The following DCAF8L2 variants were observed in gnomAD, a reference collection of about 807,000 sequenced individuals.
DCAF8L2 encodes DDB1 and CUL4 associated factor 8 like 2.
For synonymous variants in DCAF8L2, 200 were observed against 190.9 expected (o/e 1.05, Z -0.39); for missense variants, 430 against 490.7 (o/e 0.88, Z 1.17).
At chrX:27,699,695 G>C (rs7879926) in intron 3 of DCAF8L2, among the ~76,000 whole-genome samples, 5,258 of 110,866 alleles carry the variant, frequency 0.047, 303 homozygotes, top group African/African-American at 0.16. Flanking sequence ...CTCAGGTTCT[G>C]AGACCACTGG....
the DCAF8L2 span, among the ~76,000 whole-genome samples, chrX:27,509,454 C>T: frequency 1.2e-4 from 13 of 112,351 alleles, no homozygotes; most frequent in African/African-American, 3.9e-4. Flanking sequence ...GAACATTCGT[C>T]AGCCAATTTG....
the DCAF8L2 span, among the ~76,000 whole-genome samples, chrX:27,539,905 T>C: frequency 9.0e-6 from 1 of 111,006 alleles, no homozygotes; most frequent in Non-Finnish European, 1.9e-5. Context: ...GCTGTGTTAG[T>C]TCCTTTAGGC....
intron 1 of DCAF8L2, among the ~76,000 whole-genome samples, chrX:27,614,216 C>T (rs1186891485): frequency 9.1e-6 from 1 of 110,141 alleles, no homozygotes; most frequent in Non-Finnish European, 1.9e-5. Context: ...TCCATTTCTT[C>T]TAGATTTTCT....
chrX:27,672,438 G>A (rs1044781417), intron 2 of DCAF8L2, among the ~76,000 whole-genome samples: 1 of 111,941 alleles, frequency 8.9e-6, no homozygotes, highest in South Asian at 3.7e-4. Context: ...AGAACACTAC[G>A]TTTTCCTACA....
At chrX:27,744,871 C>T (rs1218167850) in intron 4 of DCAF8L2, among the ~76,000 whole-genome samples, 13 of 112,233 alleles carry the variant, frequency 1.2e-4, no homozygotes, top group Non-Finnish European at 2.1e-4. Flanking sequence ...TTCCTGAGTT[C>T]CTCACTAAAA....
intron 3 of DCAF8L2, among the ~76,000 whole-genome samples, chrX:27,699,849 A>G (rs967397242): frequency 3.6e-5 from 4 of 110,925 alleles, no homozygotes; most frequent in Non-Finnish European, 7.6e-5. Flanking sequence ...CAACATAGGG[A>G]TATTCCATCT....
At chrX:27,628,696 C>T (rs1371355242) in intron 1 of DCAF8L2, among the ~76,000 whole-genome samples, 4 of 109,193 alleles carry the variant, frequency 3.7e-5, no homozygotes, top group African/African-American at 1.3e-4. Context: ...CTCCGCCTCC[C>T]GGGTTCACGC....
the DCAF8L2 span, among the ~76,000 whole-genome samples, chrX:27,532,200 T>C: frequency 9.0e-6 from 1 of 111,111 alleles, no homozygotes; most frequent in Non-Finnish European, 1.9e-5. Flanking sequence ...TAAATACTAT[T>C]CTTTACTAAA....
chrX:27,605,040 T>C, intron 1 of DCAF8L2, among the ~76,000 whole-genome samples: 1 of 111,965 alleles, frequency 8.9e-6, no homozygotes, highest in South Asian at 3.7e-4. Context: ...TCAGAAATTT[T>C]AGAGTAGAGA....
the DCAF8L2 span, among the ~76,000 whole-genome samples, chrX:27,472,466 G>T: frequency 1.8e-5 from 2 of 111,462 alleles, no homozygotes; most frequent in African/African-American, 6.5e-5. Context: ...TGCCATGGTG[G>T]TTTGCTGCAC....
At chrX:27,518,525 G>T in the DCAF8L2 span, 3 of 359,595 alleles carry the variant, frequency 8.3e-6, no homozygotes, top group South Asian at 7.5e-5. Flanking sequence ...GGATCACGAG[G>T]TCAGGAGTTC....
chrX:27,747,100 G>C lies in DCAF8L2; in HGVS notation c.205G>C (p.Glu69Gln), dbSNP rs1449476551. The change falls in exon 5 of 5, where the codon GAA (glutamate) becomes CAA (glutamine). Residue 69 changes from glutamate (E) to glutamine (Q), a missense_variant. Glu to Gln is a conservative substitution (Grantham distance 29). Coordinates refer to ENST00000451261, the MANE Select transcript of DCAF8L2 (RefSeq NM_001353450.2). The stretch of plus-strand genomic sequence containing the variant: ...TGGATTCCCCAACGATGCCAGCACA[G>C]AAAATCGAAGCTCAGACCAAGAAAG... ...DGGFPNDAST[E>Q]NRSSDQESAS... The C allele has an allele frequency of 2.0e-5, 23 of 1,166,201 alleles. No individual in the cohort carries two copies. Among genetic ancestry groups the C allele is most frequent in the Non-Finnish European group, 2.6e-5 (23 of 872,862 alleles).
intron 4 of DCAF8L2, among the ~76,000 whole-genome samples, chrX:27,725,904 A>G (rs1932055589): frequency 9.0e-6 from 1 of 111,276 alleles, no homozygotes; most frequent in Non-Finnish European, 1.9e-5. Context: ...TAAAAAATAA[A>G]ACACTGCAAA....
chrX:27,489,289 G>A, the DCAF8L2 span, among the ~76,000 whole-genome samples: 1 of 110,906 alleles, frequency 9.0e-6, no homozygotes. Context: ...AATAGAGACG[G>A]GGTTTCACCG....
the DCAF8L2 span, among the ~76,000 whole-genome samples, chrX:27,513,473 G>A: frequency 1.8e-5 from 2 of 111,554 alleles, no homozygotes; most frequent in East Asian, 2.8e-4. Flanking sequence ...TTGGGAGGCC[G>A]AGGTGGGTGG....
At chrX:27,533,158 GAGAGAGAGAAAGAAAGAAAGAAAGAA>G in the DCAF8L2 span, among the ~76,000 whole-genome samples, 4 of 20,507 alleles carry the variant, frequency 2.0e-4, no homozygotes, top group African/African-American at 6.3e-4. Flanking sequence ...GAGAGAGAGA[GAGAGAGAGAAAGAAAGAAAGAAAGAA>G]AGAAAGAAAG....
intron 2 of DCAF8L2, among the ~76,000 whole-genome samples, chrX:27,676,695 C>G (rs914508335): frequency 3.6e-5 from 4 of 111,389 alleles, no homozygotes; most frequent in Non-Finnish European, 5.7e-5. Context: ...GGCAAGGACT[C>G]TAACTGTTGC....
chrX:27,742,306 C>A (rs1221805655), intron 4 of DCAF8L2, among the ~76,000 whole-genome samples: 2 of 111,554 alleles, frequency 1.8e-5, no homozygotes, highest in African/African-American at 6.5e-5. Context: ...TGGTGGCTCA[C>A]ACCTATAATC....
rs758605198 is a variant in DCAF8L2, at chrX:27,655,636, G to T, written c.-219-22200G>T. On this transcript the variant is annotated intron_variant, in intron 2 of 4. Transcript: ENST00000451261. ...ATTATTATTTTATCTCTTATGATAA[G>T]ATTGTTCCACATTTCTTGGAGAATT... 4.5e-5 allele frequency among the ~76,000 whole-genome samples: 5 copies of T among 111,807 alleles called. 1 individual carries two copies. The South Asian group carries it at 1.9e-3, about 41-fold the overall frequency.
Sources: gnomAD v4.1 joint callset for allele counts (sites outside exome capture counted in the v4.1 genomes callset) on GRCh38, gnomAD v4.1.1 for gene constraint, MANE v1.5 for transcripts, NCBI Gene and HGNC (gene_info 2026-07-23, HGNC 2026-07-21) for gene names.